MED25: variants seen among roughly 807,000 people sequenced by gnomAD.
MED25 encodes the protein mediator of RNA polymerase II transcription subunit 25.
A neutral mutation model predicts 89.4 loss-of-function variants in MED25; 62 were observed. The ratio of observed to expected loss-of-function variants is 0.69; its 90% CI spans 0.57 to 0.86. The LOEUF (loss-of-function observed/expected upper bound fraction) is 0.86. MED25 is among the 40% of genes least tolerant of loss of function. MED25 has a pLI of 0.00. For missense variants in MED25, 905 were observed against 1,005.2 expected, an observed-to-expected ratio of 0.90 and a Z score of 1.35; for synonymous variants, 449 against 427.9, an observed-to-expected ratio of 1.05 and a Z score of -0.61.
At position 49,830,478 on chromosome 19, in the gene MED25, C is replaced by T. The variant is rs1568622979; in HGVS notation, c.820-33C>T. The T allele has an allele frequency of 6.2e-7, 1 of 1,607,144 alleles. No individual in the cohort carries two copies. The highest frequency in any genetic ancestry group is 8.5e-7 in the Non-Finnish European group (1 of 1,173,994). ...CAGGACTGGGGGGCCATGGTCCTCACCAGTCCCTTCCCTTCTTCCCTTCTA... is the reference window on the plus strand; with the variant it reads ...CAGGACTGGGGGGCCATGGTCCTCATCAGTCCCTTCCCTTCTTCCCTTCTA... On this transcript the variant is annotated intron_variant, in intron 7 of 17. Transcript: ENST00000312865. The surrounding 1 kb of genome is among the most constrained non-coding windows in gnomAD (Gnocchi z 4.6).
At chr19:49,839,643 A>G (rs972687852), downstream of MED25, 3 of 152,218 alleles carry the variant, frequency 2.0e-5, no homozygotes, top group African/African-American at 7.2e-5. Context: ...TGAACACTGA[A>G]TATTTCTCCG....
rs1600331507 is a variant in MED25 at position 49,835,900 on chromosome 19, T to A, written c.1920T>A (p.Pro640=). The A allele has an allele frequency of 6.2e-7, 1 of 1,612,588 alleles. No individual in the cohort carries two copies. The highest frequency in any genetic ancestry group is 1.7e-4 in the Middle Eastern group (1 of 6,056). The change falls in exon 16 of 18, where the codon CCT becomes CCA. Residue 640 remains proline, a synonymous_variant. Coordinates refer to ENST00000312865, the MANE Select transcript of MED25 (RefSeq NM_030973.4). This position sits in a 1 kb window ranked among gnomAD's most constrained non-coding sequence, Gnocchi z 6.2. Reference sequence around the variant, plus strand: ...GACCCATCCTTCGGCCCCAGAACCCTGGGGCCAACCCTCAGCTGCGAAGCC... The same window carrying A: ...GACCCATCCTTCGGCCCCAGAACCCAGGGGCCAACCCTCAGCTGCGAAGCC... The part of the protein sequence containing the change: ...PPGPILRPQN[P]GANPQLRSLL...
chr19:49,835,835 C>G lies in MED25; in HGVS notation c.1855C>G (p.Gln619Glu). ...TGCCCAGCCCCCGCCAGGTGCCCCT[C>G]AAGGCCCTCCTGGAGCAGCTTCTGG... ...GTAQPPPGAP[Q>E]GPPGAASGPP... Residue 619 changes from glutamine (Q) to glutamate (E), a missense_variant, in exon 16 of 18, where the codon CAA becomes GAA. Gln to Glu is a conservative substitution (Grantham distance 29). Coordinates refer to ENST00000312865, the MANE Select transcript of MED25 (RefSeq NM_030973.4). This position sits in a 1 kb window ranked among gnomAD's most constrained non-coding sequence, Gnocchi z 6.2. The G allele has an allele frequency of 1.2e-6, 2 of 1,611,698 alleles. No individual in the cohort carries two copies. Among genetic ancestry groups the G allele is most frequent in the Non-Finnish European group, 1.7e-6 (2 of 1,179,148 alleles).
rs1292809696 is a variant in MED25 at position 49,818,536 on chromosome 19, G to T, written c.135-35G>T. On this transcript the variant is annotated intron_variant, in intron 1 of 17. Coordinates refer to ENST00000312865, the MANE Select transcript of MED25 (RefSeq NM_030973.4). ...CCACTTCAGTTTCGCACAGTTTCTT[G>T]CCTGACTCCGACCTTTCACTTCCTA... 3.7e-6 allele frequency: 6 copies of T among 1,614,200 alleles called. No individual in the cohort carries two copies. In the Admixed American group the frequency reaches 8.3e-5, roughly 22 times the overall value.
Position 49,836,659 on chromosome 19 carries a change from G to A in MED25, c.2147-188G>A. 1.4e-6 allele frequency: 1 copy of A among 737,074 alleles called. No homozygotes were observed. Among genetic ancestry groups the A allele is most frequent in the South Asian group, 1.5e-5 (1 of 67,226 alleles). 45.7% of individuals were successfully genotyped at this position (737,074 alleles called of 1,614,324 possible). A position where few individuals can be genotyped will look rare whatever the true frequency, so the allele number is the denominator to read the frequency against. On this transcript the variant is annotated intron_variant, in intron 17 of 17. Coordinates refer to ENST00000312865, the MANE Select transcript of MED25 (RefSeq NM_030973.4). The surrounding 1 kb of genome is among the most constrained non-coding windows in gnomAD (Gnocchi z 5.1). ...GGATTGCTGGGAAATGTGGTCTTAGGGCCAGAGAAGTAGTTTTGGAGAAGG... is the reference window on the plus strand; with the variant it reads ...GGATTGCTGGGAAATGTGGTCTTAGAGCCAGAGAAGTAGTTTTGGAGAAGG...
chr19:49,839,189 A>G (rs2074118729), downstream of MED25: 2 of 197,002 alleles, frequency 1.0e-5, no homozygotes, highest in Non-Finnish European at 2.1e-5. Context: ...GCATGGTGCC[A>G]AGGCAGGCCC....
rs777343496 is a variant in MED25 at position 49,829,930 on chromosome 19, C to G, written c.670C>G (p.Arg224Gly). ...GGACCCGAGGCACATGGTGCTGGTT[C>G]GGGGACTCGTGCTGCCTGGTGAGGC... ...SQDPRHMVLV[R>G]GLVLPVGGGS... The change falls in exon 6 of 18, where the codon CGG becomes GGG. Residue 224 changes from arginine (R) to glycine (G), a missense_variant. Around this residue, in one of 3 missense-constraint regions of MED25, gnomAD observed 501 missense variants for 526.9 expected, o/e 0.95. Transcript: ENST00000312865. The surrounding 1 kb of genome is among the most constrained non-coding windows in gnomAD (Gnocchi z 4.6). 6.2e-7 allele frequency: 1 copy of G among 1,612,240 alleles called. No homozygotes were observed. Among genetic ancestry groups the G allele is most frequent in the Non-Finnish European group, 8.5e-7 (1 of 1,179,174 alleles).
At chr19:49,818,835 A>T in intron 2 of MED25, 1 of 595,154 alleles carries the variant, frequency 1.7e-6, no homozygotes, top group Non-Finnish European at 2.9e-6. Context: ...CCGAGGGAGG[A>T]GGGAGCTAGG....
chr19:49,824,720 G>A (rs1441726649), intron 3 of MED25, among the ~76,000 whole-genome samples: 2 of 152,184 alleles, frequency 1.3e-5, no homozygotes, highest in Non-Finnish European at 2.9e-5. Context: ...ATCGTCCTGG[G>A]CACCAAGGAG....
In MED25 at chr19:49,836,869, T is replaced by C. The variant is rs1448676955; in HGVS notation, c.2169T>C (p.Gly723=). ...CAGGTCAGATGCTGCTGAGCGGGGG[T>C]CCCCGGGGCCCGGTCCCCCAGCCGG... ...PLPGQMLLSG[G]PRGPVPQPGL... Residue 723 remains glycine (G), a synonymous_variant, in exon 18 of 18, where the codon GGT becomes GGC. Transcript: ENST00000312865. This position sits in a 1 kb window ranked among gnomAD's most constrained non-coding sequence, Gnocchi z 5.1. 13 of 1,611,068 alleles carry C rather than the reference T, an allele frequency of 8.1e-6. No individual in the cohort carries two copies. The South Asian group carries it at 1.2e-4, about 15-fold the overall frequency.
chr19:49,835,747 G>A lies in MED25; in HGVS notation c.1767G>A (p.Gln589=), dbSNP rs780265592. Residue 589 remains glutamine, a synonymous_variant, in exon 16 of 18, where the codon CAG becomes CAA. Coordinates refer to ENST00000312865, the MANE Select transcript of MED25 (RefSeq NM_030973.4). This position sits in a 1 kb window ranked among gnomAD's most constrained non-coding sequence, Gnocchi z 6.2. Reference sequence around the variant, plus strand: ...ACCAGCTCCAGCTCCGCCCACCGCAGCCCCAGCCTCAGGGTACCGTAGGGG... The same window carrying A: ...ACCAGCTCCAGCTCCGCCCACCGCAACCCCAGCCTCAGGGTACCGTAGGGG... ...SQNLLQLRPP[Q]PQPQGTVGAS... 5.0e-6 allele frequency: 8 copies of A among 1,610,598 alleles called. No homozygotes were observed. The highest frequency in any genetic ancestry group is 1.3e-5 in the African/African-American group (1 of 74,828).
chr19:49,836,084 A>ACCGCCTCCTCT lies in MED25; in HGVS notation c.1966-138_1966-128dup. The ACCGCCTCCTCT allele has an allele frequency of 6.6e-7, 1 of 1,520,996 alleles. No individual in the cohort carries two copies. The highest frequency in any genetic ancestry group is 8.9e-7 in the Non-Finnish European group (1 of 1,121,536). 94.2% of individuals were successfully genotyped at this position (1,520,996 alleles called of 1,614,324 possible). On this transcript the variant is annotated intron_variant, in intron 16 of 17. Coordinates refer to ENST00000312865, the MANE Select transcript of MED25 (RefSeq NM_030973.4). This position sits in a 1 kb window ranked among gnomAD's most constrained non-coding sequence, Gnocchi z 5.1. ...GCCCAGGGCTTTAGGCAGAAGGCAGACCGCCTCCTCTCCGTCCATCCCCCA... is the reference window on the plus strand; with the variant it reads ...GCCCAGGGCTTTAGGCAGAAGGCAGACCGCCTCCTCTCCGCCTCCTCTCCGTCCATCCCCCA...
chr19:49,828,943 C>T (rs1254202270), intron 4 of MED25, 27 bp from the exon 5 acceptor site: 11 of 1,613,670 alleles, frequency 6.8e-6, no homozygotes, highest in Non-Finnish European at 8.5e-6. Flanking sequence ...TTGCTGCTGG[C>T]TCCATGTCTT....
intron 12 of MED25, 51 bp downstream of exon 12, chr19:49,832,208 T>A (rs759278808): frequency 1.2e-5 from 19 of 1,597,264 alleles, no homozygotes; most frequent in Non-Finnish European, 1.6e-5. Context: ...CTCACCCTGC[T>A]GTCTCTTTCC....
Position 49,831,292 on chromosome 19 carries a change from C to A in MED25, c.1102-41C>A. On this transcript the variant is annotated intron_variant, in intron 9 of 17. Transcript: ENST00000312865. This position sits in a 1 kb window ranked among gnomAD's most constrained non-coding sequence, Gnocchi z 5.0. ...CAGGATGGCCCCCGGAGGCTCCCGG[C>A]CTTCCCCATTCTCATGGCCCTCCTT... The A allele has an allele frequency of 6.3e-7, 1 of 1,598,738 alleles. No homozygotes were observed. The highest frequency in any genetic ancestry group is 1.7e-5 in the Admixed American group (1 of 58,752).
Position 49,834,780 on chromosome 19 carries a change from TG to T in MED25, c.1483-203del. ...ACTTTCTCTCCGCTTTCCCTCTCAG[TG>T]GGCAGCTGGAACCCTAGCTTGCCCT... is the stretch of plus-strand genomic sequence containing the variant. On this transcript the variant is annotated intron_variant, in intron 13 of 17. Coordinates refer to ENST00000312865, the MANE Select transcript of MED25 (RefSeq NM_030973.4). This position sits in a 1 kb window ranked among gnomAD's most constrained non-coding sequence, Gnocchi z 4.1. 1 of 600,452 alleles carries T rather than the reference TG, an allele frequency of 1.7e-6. No individual in the cohort carries two copies. The allele number at this position is 600,452 out of a possible 1,614,324, so 37.2% of individuals were successfully genotyped here.
In MED25 at chr19:49,819,420, T is replaced by G. The variant is rs891606025; in HGVS notation, c.305+124T>G. On this transcript the variant is annotated intron_variant, in intron 3 of 17. Coordinates refer to ENST00000312865, the MANE Select transcript of MED25 (RefSeq NM_030973.4). Reference sequence around the variant, plus strand: ...ATAAGTGATGGCTTGGGGTGGTTGGTGTCCCCGTGAGGGGCTGTGAATAAG... The same window carrying G: ...ATAAGTGATGGCTTGGGGTGGTTGGGGTCCCCGTGAGGGGCTGTGAATAAG... The G allele has an allele frequency of 6.9e-5, 74 of 1,067,970 alleles. 2 individuals are homozygous for G. The African/African-American group carries it at 1.1e-3, about 15-fold the overall frequency. The allele number at this position is 1,067,970 out of a possible 1,614,324, so 66.2% of individuals were successfully genotyped here.
rs1485988122 is a variant in MED25 at position 49,829,923 on chromosome 19, G to C, written c.663G>C (p.Val221=). The change falls in exon 6 of 18, where the codon GTG becomes GTC. Residue 221 remains valine (V), a synonymous_variant. Transcript: ENST00000312865. This position sits in a 1 kb window ranked among gnomAD's most constrained non-coding sequence, Gnocchi z 4.6. The part of the protein sequence containing the change: ...TDVSQDPRHM[V]LVRGLVLPVG... ...TGAGCCAGGACCCGAGGCACATGGT[G>C]CTGGTTCGGGGACTCGTGCTGCCTG... 2 of 1,612,964 alleles carry C rather than the reference G, an allele frequency of 1.2e-6. No homozygotes were observed. Among genetic ancestry groups the C allele is most frequent in the Admixed American group, 3.3e-5 (2 of 60,014 alleles).
rs951202638 is a variant in MED25 at position 49,831,410 on chromosome 19, G to C, written c.1179G>C (p.Gln393His). ...QLGAPALGGQQSVSNKLLAWS... is the reference protein window; with the variant it reads ...QLGAPALGGQHSVSNKLLAWS... The stretch of plus-strand genomic sequence containing the variant: ...GAGCCCCAGCCCTCGGTGGGCAGCA[G>C]TCAGTCTCCAATAAGCTTCTGGCCT... Residue 393 changes from glutamine to histidine, a missense_variant, in exon 10 of 18, where the codon CAG becomes CAC. Gln to His is a conservative substitution (Grantham distance 24). Transcript: ENST00000312865. The surrounding 1 kb of genome is among the most constrained non-coding windows in gnomAD (Gnocchi z 5.0). 6.2e-7 allele frequency: 1 copy of C among 1,611,808 alleles called. No individual in the cohort carries two copies. The highest frequency in any genetic ancestry group is 8.5e-7 in the Non-Finnish European group (1 of 1,179,178).
Sources: gnomAD v4.1 joint callset for allele counts (sites outside exome capture counted in the v4.1 genomes callset) on GRCh38, gnomAD v4.1.1 for gene constraint, gnomAD v4.1.1 regional missense constraint, Gnocchi (gnomAD v3.1) non-coding constraint, MANE v1.5 for transcripts, NCBI Gene and HGNC (gene_info 2026-07-23, HGNC 2026-07-21) for gene names.